GAS7: variants seen among roughly 807,000 people sequenced by gnomAD.
GAS7 encodes growth arrest specific 7, also known as growth arrest-specific protein 7.
Under a neutral mutation model 71.1 loss-of-function variants are expected in GAS7, and 28 were observed. That is an observed-to-expected ratio of 0.39 (90% CI 0.29 to 0.54). GAS7 has a LOEUF of 0.54. Among genes scored for constraint, GAS7 ranks in the 20% least tolerant of loss-of-function variants. The pLI is 0.62. For missense variants in GAS7, 436 were observed against 627.8 expected (o/e 0.69, Z 3.27); for synonymous variants, 258 against 245.8 (o/e 1.05, Z -0.46).
In GAS7 at chr17:9,981,986, G is replaced by C; in HGVS notation, c.305-102C>G. 2 of 721,840 alleles carry C rather than the reference G, an allele frequency of 2.8e-6. No homozygotes were observed. The highest frequency in any genetic ancestry group is 1.6e-5 in the South Asian group (1 of 63,234). The allele number at this position is 721,840 out of a possible 1,614,324, so 44.7% of individuals were successfully genotyped here. On this transcript the variant is annotated intron_variant, in intron 2 of 13. Coordinates refer to ENST00000432992, the MANE Select transcript of GAS7 (RefSeq NM_201433.2). This position sits in a 1 kb window ranked among gnomAD's most constrained non-coding sequence, Gnocchi z 4.4. Reference sequence around the variant, plus strand: ...ATGCTCAGAGCTGGAGAAAAAGAGAGACAGCCAATCGCCCTCCTCCCCAAC... The same window carrying C: ...ATGCTCAGAGCTGGAGAAAAAGAGACACAGCCAATCGCCCTCCTCCCCAAC...
At chr17:9,918,619 G>A (rs1200661118) in intron 12 of GAS7, among the ~76,000 whole-genome samples, 3 of 152,160 alleles carry the variant, frequency 2.0e-5, no homozygotes, top group African/African-American at 7.2e-5. Flanking sequence ...CTTGTCCCTG[G>A]GCCTCTGCTG....
chr17:10,178,269 G>T (rs1055438933), intron 1 of GAS7, among the ~76,000 whole-genome samples: 3 of 152,170 alleles, frequency 2.0e-5, no homozygotes, highest in Non-Finnish European at 4.4e-5. Context: ...AGGACGAAGG[G>T]CTTAGGCCAG....
chr17:9,919,474 C>T lies in GAS7; in HGVS notation c.1218+152G>A. The T allele has an allele frequency of 1.4e-6, 1 of 710,590 alleles. No individual in the cohort carries two copies. The highest frequency in any genetic ancestry group is 2.6e-6 in the Non-Finnish European group (1 of 387,490). The allele number at this position is 710,590 out of a possible 1,614,324, so 44.0% of individuals were successfully genotyped here. A position where few individuals can be genotyped will look rare whatever the true frequency, so the allele number is the denominator to read the frequency against. On this transcript the variant is annotated intron_variant, in intron 12 of 13. Transcript: ENST00000432992. The surrounding 1 kb of genome is among the most constrained non-coding windows in gnomAD (Gnocchi z 5.0). ...AGATCTGAATCCACATAAGCTGGCT[C>T]ACATTGAGGTTTCGACCCCAACACT...
intron 3 of GAS7, among the ~76,000 whole-genome samples, chr17:9,973,230 C>T (rs1413304478): frequency 6.7e-6 from 1 of 150,316 alleles, no homozygotes; most frequent in Non-Finnish European, 1.5e-5. Flanking sequence ...AGAAAGAAAA[C>T]AATGGCACAA....
chr17:9,917,417 T>C, intron 13 of GAS7, 76 bp from the exon 14 acceptor site: 1 of 1,077,232 alleles, frequency 9.3e-7, no homozygotes, highest in East Asian at 2.4e-5. Context: ...AGACATGCTG[T>C]CCTCACCTTA....
chr17:10,030,697 T>C (rs748419791), intron 1 of GAS7, among the ~76,000 whole-genome samples: 10 of 152,240 alleles, frequency 6.6e-5, no homozygotes, highest in Non-Finnish European at 1.5e-4. Context: ...AATGAGGCTT[T>C]AGTAGATGCA....
At chr17:9,991,037 G>C (rs183359409) in intron 2 of GAS7, among the ~76,000 whole-genome samples, 1 of 152,310 alleles carries the variant, frequency 6.6e-6, no homozygotes, top group East Asian at 1.9e-4. Context: ...ACAGGACTCA[G>C]TGAGGTACAT....
At chr17:10,118,365 A>T (rs1250446912) in intron 1 of GAS7, among the ~76,000 whole-genome samples, 4 of 152,138 alleles carry the variant, frequency 2.6e-5, no homozygotes, top group Non-Finnish European at 4.4e-5. Flanking sequence ...CTACCTGGTC[A>T]GCCTCTCCGG....
intron 1 of GAS7, 137 bp downstream of exon 1, chr17:10,198,071 G>A: frequency 2.6e-6 from 2 of 760,920 alleles, no homozygotes; most frequent in Non-Finnish European, 4.2e-6. Flanking sequence ...TGGAGCTACA[G>A]GTAGCGCCGG....
chr17:10,175,194 C>T (rs766200352), intron 1 of GAS7, among the ~76,000 whole-genome samples: 13 of 151,414 alleles, frequency 8.6e-5, no homozygotes, highest in Non-Finnish European at 1.8e-4. Flanking sequence ...AACTATATAA[C>T]CCTTCAGCTA....
intron 1 of GAS7, among the ~76,000 whole-genome samples, chr17:10,061,694 G>A (rs2073222013): frequency 1.3e-5 from 2 of 152,190 alleles, no homozygotes; most frequent in African/African-American, 4.8e-5. Context: ...AGCCTCTGGG[G>A]GGAAGCTGTA....
intron 1 of GAS7, among the ~76,000 whole-genome samples, chr17:10,191,206 T>C (rs2074496474): frequency 6.7e-6 from 1 of 149,238 alleles, no homozygotes; most frequent in African/African-American, 2.5e-5. Context: ...TCCAAATTTG[T>C]GTTGGGCCCC....
Position 9,959,542 on chromosome 17 carries a change from GGA to G in GAS7, c.472-289_472-288del. 1 of 1,045,540 alleles carries G rather than the reference GGA, an allele frequency of 9.6e-7. No individual in the cohort carries two copies. Among genetic ancestry groups the G allele is most frequent in the Non-Finnish European group, 1.3e-6 (1 of 783,550 alleles). The allele number at this position is 1,045,540 out of a possible 1,614,324, so 64.8% of individuals were successfully genotyped here. ...CCTCTTCTCTCAGTCTGTGATTTGG[GGA>G]GTTAACCCCTCCGCTGCCCTCTGCT... On this transcript the variant is annotated intron_variant, in intron 4 of 13. Transcript: ENST00000432992. This position sits in a 1 kb window ranked among gnomAD's most constrained non-coding sequence, Gnocchi z 5.0.
chr17:10,038,619 A>G (rs1311678252), intron 1 of GAS7, among the ~76,000 whole-genome samples: 2 of 152,156 alleles, frequency 1.3e-5, no homozygotes, highest in Non-Finnish European at 2.9e-5. Flanking sequence ...TATTCACAAG[A>G]GCCAGAAGGT....
chr17:9,916,838 A>C lies in GAS7; in HGVS notation c.*390T>G. The C allele has an allele frequency of 2.3e-6, 1 of 431,190 alleles. No individual in the cohort carries two copies. Among genetic ancestry groups the C allele is most frequent in the Non-Finnish European group, 4.1e-6 (1 of 244,360 alleles). The allele number at this position is 431,190 out of a possible 1,614,324, so 26.7% of individuals were successfully genotyped here. On this transcript the variant is annotated 3_prime_UTR_variant, in exon 14 of 14. Transcript: ENST00000432992. Reference sequence around the variant, plus strand: ...TAGAGACAGAGCCCTCCCTACCCTGATCCTCCAAAGCCCTGGAGACAAGGG... The same window carrying C: ...TAGAGACAGAGCCCTCCCTACCCTGCTCCTCCAAAGCCCTGGAGACAAGGG...
At chr17:10,011,702 T>C (rs909758244) in intron 2 of GAS7, among the ~76,000 whole-genome samples, 3 of 152,096 alleles carry the variant, frequency 2.0e-5, no homozygotes, top group Non-Finnish European at 2.9e-5. Context: ...CAAGGCCGGG[T>C]GCGGTGGCTC....
chr17:9,956,179 T>C (rs2069227309), intron 5 of GAS7, among the ~76,000 whole-genome samples: 1 of 152,222 alleles, frequency 6.6e-6, no homozygotes, highest in African/African-American at 2.4e-5. Flanking sequence ...CACGGCCTGT[T>C]TGACCACCTT....
intron 1 of GAS7, among the ~76,000 whole-genome samples, chr17:10,096,778 T>A (rs1403126768): frequency 6.6e-6 from 1 of 152,226 alleles, no homozygotes. Context: ...GCAGCTCAAG[T>A]GAGAAAGCGC....
intron 1 of GAS7, among the ~76,000 whole-genome samples, chr17:10,047,576 G>C (rs1597747192): frequency 6.6e-6 from 1 of 152,270 alleles, no homozygotes; most frequent in East Asian, 1.9e-4. Flanking sequence ...CACAAAGGAA[G>C]AGCACGTCTC....
Sources: allele counts gnomAD v4.1 joint callset (sites outside exome capture counted in the v4.1 genomes callset), GRCh38; gene constraint gnomAD v4.1.1; non-coding constraint Gnocchi (gnomAD v3.1); transcripts MANE v1.5; gene names NCBI Gene and HGNC (gene_info 2026-07-23, HGNC 2026-07-21).